MROH2A: variants seen among roughly 807,000 people sequenced by gnomAD.
The protein encoded by MROH2A is maestro heat like repeat family member 2A.
A neutral mutation model predicts 200.4 loss-of-function variants in MROH2A; 174 were observed. That is an observed-to-expected ratio of 0.87 (90% CI 0.77 to 0.98). The LOEUF (loss-of-function observed/expected upper bound fraction) is 0.98, where lower values mean the gene tolerates loss of function less well. Among genes scored for constraint, MROH2A ranks in the 50% least tolerant of loss-of-function variants. The probability of loss-of-function intolerance (pLI) is 0.00; values close to 1 mark genes in which losing one functional copy is unlikely to be tolerated. For synonymous variants in MROH2A, 829 were observed against 840.4 expected, an observed-to-expected ratio of 0.99 and a Z score of 0.23; for missense variants, 2,045 against 2,139.6, an observed-to-expected ratio of 0.96 and a Z score of 0.87.
Position 233,831,495 on chromosome 2 carries a change from T to G in MROH2A, c.4689T>G (p.Thr1563=). ...CCTCAGGGCCAAGTGATACCGCTAC[T>G]GATGACAAGATGACCGTTTTCCAGA... ...EHPSGPSDTA[T]DDKMTVFQTT... The change falls in exon 39 of 42, where the codon ACT becomes ACG. Residue 1563 remains threonine (T), a synonymous_variant. Transcript: ENST00000389758. The G allele has an allele frequency of 6.4e-7, 1 of 1,550,468 alleles. No individual in the cohort carries two copies. Among genetic ancestry groups the G allele is most frequent in the East Asian group, 2.4e-5 (1 of 40,900 alleles).
At chr2:233,821,910 G>A (rs868727738) in intron 31 of MROH2A, among the ~76,000 whole-genome samples, 7 of 152,106 alleles carry the variant, frequency 4.6e-5, no homozygotes, top group African/African-American at 1.7e-4. Context: ...TTTCCCAAAG[G>A]TACCGTGAGC....
intron 8 of MROH2A, among the ~76,000 whole-genome samples, chr2:233,794,817 A>G (rs1197674510): frequency 1.3e-5 from 2 of 152,178 alleles, no homozygotes; most frequent in South Asian, 2.1e-4. Flanking sequence ...AGCTTGAAGC[A>G]ACAGAGATGT....
chr2:233,796,968 T>A (rs1702154102), intron 11 of MROH2A, among the ~76,000 whole-genome samples: 1 of 152,248 alleles, frequency 6.6e-6, no homozygotes, highest in Non-Finnish European at 1.5e-5. Flanking sequence ...TTTTACCTAT[T>A]CAATGAATAG....
intron 15 of MROH2A, 84 bp downstream of exon 15, chr2:233,802,399 C>T: frequency 7.1e-7 from 1 of 1,414,684 alleles, no homozygotes; most frequent in Non-Finnish European, 9.5e-7. Flanking sequence ...CTCCACATTC[C>T]TCCCACCCTC....
rs11563247 is a variant in MROH2A at position 233,798,814 on chromosome 2, G to C, written c.1293G>C (p.Arg431=). Residue 431 remains arginine (R), a synonymous_variant, in exon 12 of 42, where the codon CGG becomes CGC. Transcript: ENST00000389758. ...TCAGGGCCATCTACCTGGCTATCCG[G>C]GTAGTCAAGAACACCATCTCTGATA... ...MSIRAIYLAI[R]VVKNTISDTR... is the part of the protein sequence containing the mutation. 326,089 of 1,549,316 alleles carry C rather than the reference G, an allele frequency of 0.21. 35,488 individuals carry two copies. Among genetic ancestry groups the C allele is most frequent in the Middle Eastern group, 0.26 (1,584 of 5,988 alleles).
At chr2:233,795,858 TG>T in intron 9 of MROH2A, 108 bp from the exon 10 acceptor site, 7 of 1,539,978 alleles carry the variant, frequency 4.5e-6, no homozygotes, top group Non-Finnish European at 5.3e-6. Context: ...TTTATCCTGA[TG>T]GGGTATGAGG....
intron 3 of MROH2A, among the ~76,000 whole-genome samples, chr2:233,785,467 C>A (rs1292293928): frequency 0.014 from 1,529 of 110,070 alleles, no homozygotes; most frequent in Middle Eastern, 0.019. Context: ...GACTTTGTCT[C>A]AAAAAAAAAA....
intron 3 of MROH2A, among the ~76,000 whole-genome samples, chr2:233,785,585 G>A (rs1436027840): frequency 6.6e-6 from 1 of 152,150 alleles, no homozygotes; most frequent in Non-Finnish European, 1.5e-5. Context: ...GGCAGAGGGA[G>A]TCAGGGGAAA....
intron 27 of MROH2A, among the ~76,000 whole-genome samples, 151 bp downstream of exon 27, chr2:233,817,036 G>T (rs1212415017): frequency 6.6e-6 from 1 of 152,162 alleles, no homozygotes; most frequent in Non-Finnish European, 1.5e-5. Context: ...TAGTGCCCTG[G>T]GCTGGGTCAG....
rs28813202 is a variant in MROH2A, at chr2:233,784,554, G to T, written c.276+4702G>T. ...GGTGAGGCCTGGAGGGAGGTGTTCG[G>T]GTCATGGGGGAAGATCCCTCATGAA... On this transcript the variant is annotated intron_variant, in intron 3 of 41. Transcript: ENST00000389758. 6.4e-3 allele frequency among the ~76,000 whole-genome samples: 978 copies of T among 152,240 alleles called. 7 individuals carry two copies. The highest frequency in any genetic ancestry group is 0.022 in the African/African-American group (932 of 41,536).
Position 233,789,878 on chromosome 2 carries a change from G to A in MROH2A, c.435G>A (p.Val145=). Reference sequence around the variant, plus strand: ...TGGAGGGCTATATGAAGGCAGAGGTGGCCAGCGACACACTGGTGGCTCTGT... The same window carrying A: ...TGGAGGGCTATATGAAGGCAGAGGTAGCCAGCGACACACTGGTGGCTCTGT... The part of the protein sequence containing the change: ...PEMEGYMKAE[V]ASDTLVALSR... The change falls in exon 5 of 42, where the codon GTG becomes GTA. Residue 145 remains valine, a synonymous_variant. Transcript: ENST00000389758. 1 of 1,550,256 alleles carries A rather than the reference G, an allele frequency of 6.5e-7. No homozygotes were observed. Among genetic ancestry groups the A allele is most frequent in the Non-Finnish European group, 8.7e-7 (1 of 1,146,824 alleles).
intron 3 of MROH2A, among the ~76,000 whole-genome samples, chr2:233,788,439 A>T (rs1701509613): frequency 6.6e-6 from 1 of 151,812 alleles, no homozygotes; most frequent in African/African-American, 2.4e-5. Flanking sequence ...CAAAAGTAGG[A>T]AACCAAGACC....
At chr2:233,800,019 G>A (rs1242557509) in intron 13 of MROH2A, 120 bp downstream of exon 13, 1 of 1,349,850 alleles carries the variant, frequency 7.4e-7, no homozygotes. Flanking sequence ...ATTCATGACA[G>A]GAGTTCATAG....
chr2:233,829,879 C>T, intron 38 of MROH2A, 104 bp downstream of exon 38: 1 of 1,118,692 alleles, frequency 8.9e-7, no homozygotes, highest in Non-Finnish European at 1.1e-6. Context: ...CTTTTCTCTG[C>T]CTCAGTTGGT....
At chr2:233,815,326 T>A (rs552660293) in intron 26 of MROH2A, among the ~76,000 whole-genome samples, 50 of 152,360 alleles carry the variant, frequency 3.3e-4, no homozygotes, top group African/African-American at 1.2e-3. Flanking sequence ...ATCAGATATG[T>A]GATTTGCAAA....
intron 11 of MROH2A, 70 bp downstream of exon 11, chr2:233,796,383 A>T: frequency 9.8e-7 from 1 of 1,024,978 alleles, no homozygotes; most frequent in Non-Finnish European, 1.4e-6. Context: ...AAGGGAGGCA[A>T]GTTTCATTCA....
At chr2:233,822,700 T>C (rs1042752086) in intron 33 of MROH2A, 144 bp downstream of exon 33, 2 of 1,132,756 alleles carry the variant, frequency 1.8e-6, no homozygotes, top group Admixed American at 2.3e-5. Context: ...GCCGTTCTCA[T>C]GTGTGTCAAG....
rs924566233 is a variant in MROH2A at position 233,831,405 on chromosome 2, G to A, written c.4603-4G>A. On this transcript the variant is annotated splice_polypyrimidine_tract_variant and splice_region_variant and intron_variant, in intron 38 of 41. Coordinates refer to ENST00000389758, the MANE Select transcript of MROH2A (RefSeq NM_001394639.1). ...GGCTCTGCTGCCGTCCTGTGTCCCT[G>A]CAGGCCTGTATGGCTACCATGTTTC... The A allele has an allele frequency of 2.6e-6, 4 of 1,547,824 alleles. No homozygotes were observed. In the African/African-American group the frequency reaches 5.5e-5, roughly 21 times the overall value.
At chr2:233,783,676 G>C (rs1019207418) in intron 3 of MROH2A, among the ~76,000 whole-genome samples, 7 of 152,142 alleles carry the variant, frequency 4.6e-5, no homozygotes, top group African/African-American at 1.4e-4. Context: ...CTCCCAAGTA[G>C]CTGGGATTAC....
Sources: allele counts gnomAD v4.1 joint callset (sites outside exome capture counted in the v4.1 genomes callset), GRCh38; gene constraint gnomAD v4.1.1; transcripts MANE v1.5; gene names NCBI Gene and HGNC (gene_info 2026-07-23, HGNC 2026-07-21).